The following AZGP1 variants were observed in gnomAD, a reference collection of about 807,000 sequenced individuals.
AZGP1 encodes the protein zinc-alpha-2-glycoprotein.
In AZGP1, 28 loss-of-function variants were observed where a neutral mutation model predicts 31.5. The ratio of observed to expected loss-of-function variants is 0.89; its 90% confidence interval spans 0.66 to 1.22. The LOEUF is 1.22. AZGP1 is among the 50% of genes most tolerant of loss of function. AZGP1 has a pLI of 0.00. For missense variants in AZGP1, 361 were observed against 371.8 expected (o/e 0.97, Z 0.24); for synonymous variants, 135 against 145.4 (o/e 0.93, Z 0.51).
At position 99,970,559 on chromosome 7, in the gene AZGP1, T is replaced by C. The variant is rs184578481; in HGVS notation, c.337+1187A>G. On this transcript the variant is annotated intron_variant, in intron 2 of 3. Coordinates refer to ENST00000292401, the MANE Select transcript of AZGP1 (RefSeq NM_001185.4). ...AGCCCTGCCTTCTATTATTTTCTAA[T>C]ACCCTGTGTTCATCTCCTCATCCTC... is the stretch of plus-strand genomic sequence containing the variant. 2.0e-5 allele frequency among the ~76,000 whole-genome samples: 3 copies of C among 152,150 alleles called. No individual in the cohort carries two copies. The East Asian group carries it at 5.8e-4, about 30-fold the overall frequency.
intron 3 of AZGP1, 147 bp from the exon 4 acceptor site, chr7:99,967,433 A>G (rs1789503315): frequency 2.3e-6 from 2 of 884,500 alleles, no homozygotes; most frequent in African/African-American, 3.4e-5. Context: ...GACTTTCCAG[A>G]ATATCAGGGA....
At chr7:99,967,664 C>T (rs975326782) in intron 3 of AZGP1, 3 of 409,626 alleles carry the variant, frequency 7.3e-6, no homozygotes, top group Non-Finnish European at 1.3e-5. Context: ...CTCACTACGT[C>T]TCCAATCCAA....
intron 1 of AZGP1, among the ~76,000 whole-genome samples, chr7:99,973,804 G>T (rs146055748): frequency 1.3e-5 from 2 of 150,566 alleles, no homozygotes; most frequent in Non-Finnish European, 3.0e-5. Flanking sequence ...TAGTCCCAGC[G>T]ACTCAGAAGG....
At chr7:99,967,336 G>T in intron 3 of AZGP1, 50 bp from the exon 4 acceptor site, 2 of 1,575,626 alleles carry the variant, frequency 1.3e-6, no homozygotes, top group Non-Finnish European at 1.7e-6. Context: ...GACTTCTCCC[G>T]GCCCAGGTCT....
rs1466587009 is a variant in AZGP1, at chr7:99,967,132, G to A, written c.768C>T (p.His256=). The A allele has an allele frequency of 1.2e-6, 2 of 1,614,194 alleles. No individual in the cohort carries two copies. The highest frequency in any genetic ancestry group is 8.5e-7 in the Non-Finnish European group (1 of 1,180,034). Residue 256 remains histidine (H), a synonymous_variant, in exon 4 of 4, where the codon CAC becomes CAT. Transcript: ENST00000292401. ...AGGACTGGTAAGTGCCATTTCCATTGTGAAGAACATCTCCCCGTAACTCAG... is the reference window on the plus strand; with the variant it reads ...AGGACTGGTAAGTGCCATTTCCATTATGAAGAACATCTCCCCGTAACTCAG... ...QEPELRGDVL[H]NGNGTYQSWV... is the part of the protein sequence containing the mutation.
In AZGP1 at chr7:99,966,840, A is replaced by C. The variant is rs1789486602; in HGVS notation, c.*163T>G. 9.1e-7 allele frequency: 1 copy of C among 1,093,802 alleles called. No individual in the cohort carries two copies. Among genetic ancestry groups the C allele is most frequent in the Non-Finnish European group, 1.3e-6 (1 of 768,022 alleles). The allele number at this position is 1,093,802 out of a possible 1,614,324, so 67.8% of individuals were successfully genotyped here. ...GGGTCCAAGTCTACTCAAGACAGGCATCCCAGTCTTCGGTCTCCAAATCCA... is the reference window on the plus strand; with the variant it reads ...GGGTCCAAGTCTACTCAAGACAGGCCTCCCAGTCTTCGGTCTCCAAATCCA... On this transcript the variant is annotated 3_prime_UTR_variant, in exon 4 of 4. Transcript: ENST00000292401.
rs1185988979 is a variant in AZGP1, at chr7:99,976,025, T to A, written c.-5A>T. The stretch of plus-strand genomic sequence containing the variant: ...GACAGGCACCATTCTTACCATTGTG[T>A]CTGCTTGGAGGGTTCTGGGCAGGAG... On this transcript the variant is annotated 5_prime_UTR_variant, in exon 1 of 4. Transcript: ENST00000292401. 11 of 1,613,892 alleles carry A rather than the reference T, an allele frequency of 6.8e-6. No homozygotes were observed. The highest frequency in any genetic ancestry group is 1.3e-5 in the African/African-American group (1 of 74,880).
At position 99,968,085 on chromosome 7, in the gene AZGP1, G is replaced by A. The variant is rs746971937; in HGVS notation, c.613+70C>T. On this transcript the variant is annotated intron_variant, in intron 3 of 3. Coordinates refer to ENST00000292401, the MANE Select transcript of AZGP1 (RefSeq NM_001185.4). Reference sequence around the variant, plus strand: ...ACAGATGAGACCGGACTAAGATGTTGCCTGAGCTCCTAGCCTGAGATCGTC... The same window carrying A: ...ACAGATGAGACCGGACTAAGATGTTACCTGAGCTCCTAGCCTGAGATCGTC... 4 of 1,575,756 alleles carry A rather than the reference G, an allele frequency of 2.5e-6. No homozygotes were observed. In the South Asian group the frequency reaches 3.3e-5, roughly 13 times the overall value.
intron 2 of AZGP1, 89 bp downstream of exon 2, chr7:99,971,657 T>C: frequency 6.8e-7 from 1 of 1,475,268 alleles, no homozygotes; most frequent in Non-Finnish European, 9.2e-7. Context: ...ATTGGGACTA[T>C]TTCCATCCTG....
intron 1 of AZGP1, among the ~76,000 whole-genome samples, chr7:99,975,443 A>G (rs182860475): frequency 2.4e-4 from 37 of 152,108 alleles, no homozygotes; most frequent in Admixed American, 1.4e-3. Context: ...CTTCTCTTCC[A>G]GCCACTCGCC....
intron 1 of AZGP1, among the ~76,000 whole-genome samples, chr7:99,973,393 T>C (rs1415793052): frequency 6.6e-6 from 1 of 152,206 alleles, no homozygotes; most frequent in Admixed American, 6.5e-5. Flanking sequence ...GGCAGAATCC[T>C]AGTTCAATTA....
At chr7:99,968,768 G>T (rs1340998552) in intron 2 of AZGP1, 2 of 296,690 alleles carry the variant, frequency 6.7e-6, no homozygotes, top group Middle Eastern at 1.0e-3. Flanking sequence ...TTCCAGACCA[G>T]CCAGGGTGAT....
At chr7:99,975,059 C>G (rs1231535262) in intron 1 of AZGP1, among the ~76,000 whole-genome samples, 1 of 152,040 alleles carries the variant, frequency 6.6e-6, no homozygotes, top group Admixed American at 6.6e-5. Context: ...TAAAATAAAT[C>G]TCTACTCTCT....
chr7:99,971,671 A>T (rs1032971179), intron 2 of AZGP1, 75 bp downstream of exon 2: 1 of 1,516,214 alleles, frequency 6.6e-7, no homozygotes, highest in Admixed American at 1.8e-5. Flanking sequence ...CATCCTGCTG[A>T]TCCCTTGCCA....
chr7:99,971,724 C>T, intron 2 of AZGP1, 22 bp downstream of exon 2: 1 of 1,608,816 alleles, frequency 6.2e-7, no homozygotes, highest in East Asian at 2.2e-5. Context: ...CCTTCCACCC[C>T]TGTGGTCTGT....
rs1360578912 is a variant in AZGP1, at chr7:99,971,814, T to C, written c.269A>G (p.Gln90Arg). 4 of 1,614,040 alleles carry C rather than the reference T, an allele frequency of 2.5e-6. No homozygotes were observed. Among genetic ancestry groups the C allele is most frequent in the Non-Finnish European group, 3.4e-6 (4 of 1,180,014 alleles). The change falls in exon 2 of 4, where the codon CAG (glutamine) becomes CGG (arginine). Residue 90 changes from glutamine (Q) to arginine (R), a missense_variant. By Grantham distance (43) the Gln-to-Arg change is conservative. Coordinates refer to ENST00000292401, the MANE Select transcript of AZGP1 (RefSeq NM_001185.4). ...CATAAAGATGTCCTCCCTGGCCTTC[T>C]GAAGTTGGCTGTCCTGCTTCCAATC... ...MEDWKQDSQL[Q>R]KAREDIFMET...
intron 1 of AZGP1, among the ~76,000 whole-genome samples, chr7:99,975,321 A>T (rs181018735): frequency 6.6e-6 from 1 of 152,322 alleles, no homozygotes; most frequent in Admixed American, 6.5e-5. Flanking sequence ...TTAAACTCAC[A>T]CAACTGAGAA....
Position 99,967,032 on chromosome 7 carries a change from G to C in AZGP1, c.868C>G (p.Pro290Ala). 1 of 1,614,050 alleles carries C rather than the reference G, an allele frequency of 6.2e-7. No homozygotes were observed. The highest frequency in any genetic ancestry group is 8.5e-7 in the Non-Finnish European group (1 of 1,179,956). Residue 290 changes from proline to alanine, a missense_variant, in exon 4 of 4, where the codon CCC (proline) becomes GCC (alanine). By Grantham distance (27) the Pro-to-Ala change is conservative (BLOSUM62 -1). Coordinates refer to ENST00000292401, the MANE Select transcript of AZGP1 (RefSeq NM_001185.4). The stretch of plus-strand genomic sequence containing the variant: ...CTGGCCTCCCAGGGCACCACGAGGG[G>C]CTGGGCCAGGCTGCTGTGCTGCACG... ...CHVQHSSLAQ[P>A]LVVPWEAS
At chr7:99,969,348 G>T (rs1213854964) in intron 2 of AZGP1, among the ~76,000 whole-genome samples, 1 of 151,148 alleles carries the variant, frequency 6.6e-6, no homozygotes, top group Non-Finnish European at 1.5e-5. Context: ...GACAGAAGTT[G>T]TAGTGAGCCG....
Sources: allele counts gnomAD v4.1 joint callset (sites outside exome capture counted in the v4.1 genomes callset), GRCh38; gene constraint gnomAD v4.1.1; transcripts MANE v1.5; gene names NCBI Gene and HGNC (gene_info 2026-07-23, HGNC 2026-07-21).